The following DCLK1 variants were observed in gnomAD, a reference collection of about 807,000 sequenced individuals.
DCLK1 encodes doublecortin like kinase 1.
Under a neutral mutation model 86.2 loss-of-function variants are expected in DCLK1, and 16 were observed. That is an observed-to-expected ratio of 0.19 (90% confidence interval 0.13 to 0.28). The LOEUF (loss-of-function observed/expected upper bound fraction) is 0.28. Among genes scored for constraint, DCLK1 ranks in the 10% least tolerant of loss-of-function variants. DCLK1 has a pLI of 1.00. For synonymous variants in DCLK1, 369 were observed against 370.5 expected (o/e 1.00, Z 0.05); for missense variants, 590 against 940.2 (o/e 0.63, Z 4.87).
intron 3 of DCLK1, among the ~76,000 whole-genome samples, chr13:36,051,992 AAGGCTGCCATTCAC>A (rs1883139078): frequency 6.6e-6 from 1 of 152,118 alleles, no homozygotes. Context: ...CTTAGAATTA[AAGGCTGCCATTCAC>A]AGGAAGCCTG....
intron 6 of DCLK1, among the ~76,000 whole-genome samples, chr13:35,851,505 T>C (rs1870634667): frequency 6.6e-6 from 1 of 152,266 alleles, no homozygotes; most frequent in East Asian, 1.9e-4. Context: ...ATCATCTGAC[T>C]GATCAGATAA....
upstream of DCLK1, among the ~76,000 whole-genome samples, chr13:36,131,619 A>T (rs1192855689): frequency 2.0e-5 from 3 of 152,104 alleles, no homozygotes; most frequent in Non-Finnish European, 2.9e-5. Context: ...CCCCACAAGT[A>T]GTCTTTGGGA....
At chr13:35,916,243 T>C (rs1875400328) in intron 4 of DCLK1, among the ~76,000 whole-genome samples, 1 of 152,192 alleles carries the variant, frequency 6.6e-6, no homozygotes, top group Non-Finnish European at 1.5e-5. Context: ...ACACAGAAAC[T>C]GATCAGCTAT....
chr13:35,849,814 C>T, intron 6 of DCLK1: 1 of 984,328 alleles, frequency 1.0e-6, no homozygotes, highest in Non-Finnish European at 1.2e-6. Flanking sequence ...TTTTGCTTTT[C>T]AAATGGATTT....
chr13:35,805,691 T>A lies in DCLK1; in HGVS notation c.1944+8A>T. 1 of 1,611,450 alleles carries A rather than the reference T, an allele frequency of 6.2e-7. No homozygotes were observed. Among genetic ancestry groups the A allele is most frequent in the Non-Finnish European group, 8.5e-7 (1 of 1,178,924 alleles). On this transcript the variant is annotated splice_region_variant and intron_variant, in intron 15 of 16. Coordinates refer to ENST00000360631, the MANE Select transcript of DCLK1 (RefSeq NM_001330071.2). ...GAGAGAACAAAGGAAATGGTGCGAG[T>A]CACTTACATTAACCCAGGGATGCTC... is the stretch of plus-strand genomic sequence containing the variant.
intron 3 of DCLK1, among the ~76,000 whole-genome samples, chr13:35,974,639 A>G (rs1019169918): frequency 4.6e-5 from 7 of 152,100 alleles, no homozygotes; most frequent in Non-Finnish European, 7.4e-5. Context: ...TGTAAAGTGT[A>G]CCTGCTTCCC....
At chr13:35,996,676 C>T (rs1304934178) in intron 3 of DCLK1, among the ~76,000 whole-genome samples, 3 of 150,922 alleles carry the variant, frequency 2.0e-5, no homozygotes, top group African/African-American at 4.8e-5. Flanking sequence ...TCGATGTTCA[C>T]GTGAGTTCCT....
intron 4 of DCLK1, among the ~76,000 whole-genome samples, chr13:35,936,797 A>C (rs975099767): frequency 1.3e-5 from 2 of 152,078 alleles, no homozygotes; most frequent in Non-Finnish European, 2.9e-5. Flanking sequence ...AATTCTTCCC[A>C]AGAGGAGCAT....
intron 5 of DCLK1, chr13:35,855,737 G>C: frequency 7.3e-7 from 1 of 1,367,618 alleles, no homozygotes; most frequent in South Asian, 1.9e-5. Context: ...GGAGGTGCAG[G>C]TTCTGTCTTA....
intron 3 of DCLK1, among the ~76,000 whole-genome samples, chr13:35,961,187 A>C (rs1226872279): frequency 6.6e-6 from 1 of 152,206 alleles, no homozygotes; most frequent in Non-Finnish European, 1.5e-5. Context: ...GGAGGATAAT[A>C]TTGCATCTAC....
intron 3 of DCLK1, among the ~76,000 whole-genome samples, chr13:36,018,324 C>A (rs1285918502): frequency 6.6e-6 from 1 of 151,856 alleles, no homozygotes; most frequent in Non-Finnish European, 1.5e-5. Context: ...AAACAAAAAT[C>A]TTTTCTCTTA....
intron 3 of DCLK1, among the ~76,000 whole-genome samples, chr13:36,006,438 TAC>T (rs1880960256): frequency 6.6e-6 from 1 of 152,246 alleles, no homozygotes; most frequent in Non-Finnish European, 1.5e-5. Flanking sequence ...TGAAACCTGA[TAC>T]ACTGTACCAT....
intron 2 of DCLK1, among the ~76,000 whole-genome samples, chr13:36,118,687 AAGAG>A (rs927307743): frequency 6.6e-6 from 1 of 152,150 alleles, no homozygotes; most frequent in Non-Finnish European, 1.5e-5. Context: ...TTGAGAGATT[AAGAG>A]AGAGAGACGT....
At chr13:35,953,313 G>A (rs1275249417) in intron 3 of DCLK1, among the ~76,000 whole-genome samples, 2 of 152,104 alleles carry the variant, frequency 1.3e-5, no homozygotes, top group Non-Finnish European at 2.9e-5. Context: ...CTACCAAGCT[G>A]TAGGAAAATG....
chr13:35,932,199 C>G (rs997239428), intron 4 of DCLK1, among the ~76,000 whole-genome samples: 2 of 152,150 alleles, frequency 1.3e-5, no homozygotes, highest in Non-Finnish European at 2.9e-5. Context: ...CTTTTTCCTT[C>G]TGTCTCACTG....
intron 4 of DCLK1, among the ~76,000 whole-genome samples, chr13:35,899,846 T>C (rs1382355084): frequency 6.6e-6 from 1 of 152,202 alleles, no homozygotes; most frequent in Non-Finnish European, 1.5e-5. Flanking sequence ...AAGAACGCTA[T>C]TGGTAAAAGA....
intron 3 of DCLK1, among the ~76,000 whole-genome samples, chr13:35,958,333 C>G (rs1267762571): frequency 1.7e-4 from 1 of 5,782 alleles, no homozygotes; most frequent in Non-Finnish European, 4.7e-4. Flanking sequence ...ACCATTATAA[C>G]AATCACCACC....
chr13:35,780,435 C>T (rs1344894404), intron 16 of DCLK1, among the ~76,000 whole-genome samples: 1 of 152,184 alleles, frequency 6.6e-6, no homozygotes, highest in Non-Finnish European at 1.5e-5. Flanking sequence ...TGCATTATCA[C>T]ATTTTGGTGC....
At chr13:36,027,413 A>G (rs1026649950) in intron 3 of DCLK1, among the ~76,000 whole-genome samples, 1 of 152,212 alleles carries the variant, frequency 6.6e-6, no homozygotes, top group Non-Finnish European at 1.5e-5. Context: ...AGCTCCTAAC[A>G]TGCCACCAGG....
Sources: gnomAD v4.1 joint callset for allele counts (sites outside exome capture counted in the v4.1 genomes callset) on GRCh38, gnomAD v4.1.1 for gene constraint, MANE v1.5 for transcripts, NCBI Gene and HGNC (gene_info 2026-07-23, HGNC 2026-07-21) for gene names.